The following SGPP1 variants were observed in gnomAD, a reference collection of about 807,000 sequenced individuals.
The protein encoded by SGPP1 is hSPP1.
A neutral mutation model predicts 33.0 loss-of-function variants in SGPP1; 21 were observed. The observed-to-expected ratio is 0.64, with a 90% CI of 0.45 to 0.92. The LOEUF (loss-of-function observed/expected upper bound fraction) is 0.92. Among genes scored for constraint, SGPP1 ranks in the 40% least tolerant of loss-of-function variants. The pLI is 0.00. For synonymous variants in SGPP1, 239 were observed against 241.2 expected, an observed-to-expected ratio of 0.99 and a Z score of 0.08; for missense variants, 543 against 589.4, an observed-to-expected ratio of 0.92 and a Z score of 0.81.
rs189859263 is a variant in SGPP1, at chr14:63,717,164, T to C, written c.684+10097A>G. 5.7e-4 allele frequency among the ~76,000 whole-genome samples: 86 copies of C among 151,024 alleles called. No homozygotes were observed. The East Asian group carries it at 0.013, about 22-fold the overall frequency. ...GATAAAATTACCAGAAAATTAGAGA[T>C]TGCAAAAGAACAGGTAAGTGAACTT... On this transcript the variant is annotated intron_variant, in intron 1 of 2. Transcript: ENST00000247225.
rs187902002 is a variant in SGPP1 at position 63,694,882 on chromosome 14, C to T, written c.774+3687G>A. Among the ~76,000 whole-genome samples, 392 of 152,028 alleles carry T rather than the reference C, an allele frequency of 2.6e-3. 2 individuals carry two copies. Among genetic ancestry groups the T allele is most frequent in the African/African-American group, 9.3e-3 (387 of 41,470 alleles). On this transcript the variant is annotated intron_variant, in intron 2 of 2. Transcript: ENST00000247225. ...ATCTAAATGGAATACTCCAGGTTAT[C>T]GTCAATTTATGGTAGATGATATTAA...
At position 63,727,892 on chromosome 14, in the gene SGPP1, T is replaced by C; in HGVS notation, c.53A>G (p.Gln18Arg). The C allele has an allele frequency of 1.3e-6, 2 of 1,530,842 alleles. No individual in the cohort carries two copies. The highest frequency in any genetic ancestry group is 1.7e-6 in the Non-Finnish European group (2 of 1,146,456). The allele number at this position is 1,530,842 out of a possible 1,614,324, so 94.8% of individuals were successfully genotyped here. Residue 18 changes from glutamine to arginine, a missense_variant, in exon 1 of 3, where the codon CAG becomes CGG. By Grantham distance (43) the Gln-to-Arg change is conservative (BLOSUM62 1). Coordinates refer to ENST00000247225, the MANE Select transcript of SGPP1 (RefSeq NM_030791.4). ...AQLVGRLQDP[Q>R]KVARFQRLCG... ...CAGCCGCTGGAAACGGGCCACTTTC[T>C]GCGGGTCCTGCAGACGGCCAACCAG...
chr14:63,721,374 G>A (rs1885767559), intron 1 of SGPP1, among the ~76,000 whole-genome samples: 1 of 152,066 alleles, frequency 6.6e-6, no homozygotes, highest in South Asian at 2.1e-4. Flanking sequence ...AACACAGGAG[G>A]CGGAGGTTGT....
At chr14:63,701,392 T>C (rs1020983190) in intron 1 of SGPP1, among the ~76,000 whole-genome samples, 1 of 152,140 alleles carries the variant, frequency 6.6e-6, no homozygotes, top group Non-Finnish European at 1.5e-5. Context: ...AATAGGGTCA[T>C]GAGTTTCAGA....
At position 63,725,921 on chromosome 14, in the gene SGPP1, G is replaced by T. The variant is rs140185479; in HGVS notation, c.684+1340C>A. Among the ~76,000 whole-genome samples the T allele has an allele frequency of 1.6e-3, 239 of 152,186 alleles. 1 individual carries two copies. Among genetic ancestry groups the T allele is most frequent in the African/African-American group, 5.6e-3 (231 of 41,528 alleles). On this transcript the variant is annotated intron_variant, in intron 1 of 2. Coordinates refer to ENST00000247225, the MANE Select transcript of SGPP1 (RefSeq NM_030791.4). ...CAGCTCATTGAAAATCTTAAATTCT[G>T]AAATATTTAGATTAAATGAAAACTT...
chr14:63,703,524 G>A (rs1273228679), intron 1 of SGPP1, among the ~76,000 whole-genome samples: 11 of 151,726 alleles, frequency 7.2e-5, no homozygotes, highest in South Asian at 2.1e-4. Context: ...GTGGTGGCGC[G>A]TGCCTGTAGT....
In SGPP1 at chr14:63,720,279, A is replaced by G. The variant is rs78979602; in HGVS notation, c.684+6982T>C. 3.2e-3 allele frequency among the ~76,000 whole-genome samples: 487 copies of G among 152,108 alleles called. 4 individuals are homozygous for G. The highest frequency in any genetic ancestry group is 0.011 in the African/African-American group (456 of 41,506). On this transcript the variant is annotated intron_variant, in intron 1 of 2. Transcript: ENST00000247225. The stretch of plus-strand genomic sequence containing the variant: ...CTATGTAAAAACAAAAATGGTAAGA[A>G]AAAAAGAAGAAATAGAAAAAAAGGA...
chr14:63,717,317 CTT>C (rs111825145), intron 1 of SGPP1, among the ~76,000 whole-genome samples: 12,770 of 138,910 alleles, frequency 0.092, 1,201 homozygotes, highest in African/African-American at 0.25. Flanking sequence ...TGGAATTTCT[CTT>C]TTTTTTTTTT....
At chr14:63,690,377 C>G (rs1385254532) in intron 2 of SGPP1, among the ~76,000 whole-genome samples, 1 of 152,146 alleles carries the variant, frequency 6.6e-6, no homozygotes, top group African/African-American at 2.4e-5. Flanking sequence ...AAAATTGTGT[C>G]ATGAAATGAC....
chr14:63,702,493 T>G lies in SGPP1; in HGVS notation c.685-3835A>C, dbSNP rs116352024. 7.5e-3 allele frequency among the ~76,000 whole-genome samples: 1,141 copies of G among 152,184 alleles called. 13 individuals are homozygous for G. Among genetic ancestry groups the G allele is most frequent in the African/African-American group, 0.026 (1,092 of 41,526 alleles). On this transcript the variant is annotated intron_variant, in intron 1 of 2. Transcript: ENST00000247225. Reference sequence around the variant, plus strand: ...GGAAGGTCGAGGCAGGCTGATCACTTGAGATCATGAGTTTGAGACCAGCCT... The same window carrying G: ...GGAAGGTCGAGGCAGGCTGATCACTGGAGATCATGAGTTTGAGACCAGCCT...
chr14:63,704,316 G>A (rs753460526), intron 1 of SGPP1, among the ~76,000 whole-genome samples: 1 of 152,198 alleles, frequency 6.6e-6, no homozygotes, highest in Non-Finnish European at 1.5e-5. Context: ...CATAAGGTCA[G>A]ACATATAGAC....
rs1256308813 is a variant in SGPP1 at position 63,727,863 on chromosome 14, C to G, written c.82G>C (p.Gly28Arg). The change falls in exon 1 of 3, where the codon GGG (glycine) becomes CGG (arginine). Residue 28 changes from glycine (G) to arginine (R), a missense_variant. Gly to Arg is a moderately radical substitution (Grantham distance 125, BLOSUM62 -2). Coordinates refer to ENST00000247225, the MANE Select transcript of SGPP1 (RefSeq NM_030791.4). ...QKVARFQRLC[G>R]VEAPPRRSAD... ...GAGCGGCGCGGCGGCGCTTCCACCC[C>G]GCACAGCCGCTGGAAACGGGCCACT... 1.3e-6 allele frequency: 2 copies of G among 1,521,092 alleles called. No individual in the cohort carries two copies. The highest frequency in any genetic ancestry group is 2.0e-5 in the Admixed American group (1 of 49,994). The allele number at this position is 1,521,092 out of a possible 1,614,324, so 94.2% of individuals were successfully genotyped here.
chr14:63,687,989 G>A (rs941797626), intron 2 of SGPP1, among the ~76,000 whole-genome samples: 2 of 152,110 alleles, frequency 1.3e-5, no homozygotes, highest in African/African-American at 4.8e-5. Context: ...GCTGTGTGTG[G>A]TGGCACACAC....
intron 1 of SGPP1, among the ~76,000 whole-genome samples, chr14:63,717,066 A>AT (rs1186197645): frequency 6.6e-6 from 1 of 152,120 alleles, no homozygotes; most frequent in African/African-American, 2.4e-5. Flanking sequence ...GAAATTGAAG[A>AT]TTTTTTAAAA....
At chr14:63,718,992 ATATATATATATATATATATATATTT>A (rs1379494389) in intron 1 of SGPP1, among the ~76,000 whole-genome samples, 10 of 16,586 alleles carry the variant, frequency 6.0e-4, no homozygotes, top group African/African-American at 2.0e-3. Flanking sequence ...ATATATATAT[ATATATATATATATATATATATATTT>A]TTTTTTTTTT....
At chr14:63,706,794 G>A (rs777921426) in intron 1 of SGPP1, among the ~76,000 whole-genome samples, 2 of 152,054 alleles carry the variant, frequency 1.3e-5, no homozygotes, top group African/African-American at 4.8e-5. Context: ...CAGAATCCCA[G>A]CACTTTGGGA....
intron 1 of SGPP1, among the ~76,000 whole-genome samples, chr14:63,699,749 TG>T (rs769879735): frequency 6.6e-6 from 1 of 151,194 alleles, no homozygotes; most frequent in Admixed American, 6.6e-5. Context: ...TGGTTGTTGT[TG>T]TTTTTTTTAC....
intron 1 of SGPP1, among the ~76,000 whole-genome samples, chr14:63,703,800 GTTTTTTT>G (rs57439548): frequency 1.0e-5 from 1 of 98,924 alleles, no homozygotes; most frequent in African/African-American, 4.2e-5. Context: ...CCCTATTTAA[GTTTTTTT>G]TTTTTTTTTT....
At chr14:63,705,429 G>T (rs961561098) in intron 1 of SGPP1, among the ~76,000 whole-genome samples, 1 of 151,154 alleles carries the variant, frequency 6.6e-6, no homozygotes, top group South Asian at 2.1e-4. Flanking sequence ...GCACTTTGGG[G>T]GGCCGAGGTG....
Sources: allele counts gnomAD v4.1 joint callset (sites outside exome capture counted in the v4.1 genomes callset), GRCh38; gene constraint gnomAD v4.1.1; transcripts MANE v1.5; gene names NCBI Gene and HGNC (gene_info 2026-07-23, HGNC 2026-07-21).